CCDC148: variants seen among roughly 807,000 people sequenced by gnomAD.
CCDC148 encodes coiled-coil domain containing 148, also known as coiled-coil domain-containing protein 148.
CCDC148 carries 89 observed loss-of-function variants against 85.7 expected under a neutral mutation model. The ratio of observed to expected loss-of-function variants is 1.04; its 90% CI spans 0.87 to 1.24. The LOEUF (loss-of-function observed/expected upper bound fraction) is 1.24, where lower values mean the gene tolerates loss of function less well. Ranked by LOEUF, CCDC148 falls within the 50% of genes most tolerant of loss-of-function variation. The pLI is 0.00. For synonymous variants in CCDC148, 230 were observed against 213.9 expected (o/e 1.08, Z -0.66); for missense variants, 692 against 671.7 (o/e 1.03, Z -0.33).
At chr2:158,349,825 T>C (rs1683172438) in intron 2 of CCDC148, among the ~76,000 whole-genome samples, 1 of 152,126 alleles carries the variant, frequency 6.6e-6, no homozygotes, top group Non-Finnish European at 1.5e-5. Flanking sequence ...ACACATTTTG[T>C]TCTCACTAAC....
chr2:158,311,361 C>G (rs1692003995), intron 8 of CCDC148, among the ~76,000 whole-genome samples: 2 of 152,252 alleles, frequency 1.3e-5, no homozygotes, highest in South Asian at 4.1e-4. Flanking sequence ...ATCCCATGCA[C>G]TCGGCAGGCT....
intron 1 of CCDC148, among the ~76,000 whole-genome samples, chr2:158,363,280 C>T (rs1334121082): frequency 5.3e-5 from 8 of 151,824 alleles, no homozygotes; most frequent in East Asian, 1.9e-4. Flanking sequence ...TTCCAAACAA[C>T]AGAAAAAGAG....
chr2:158,299,715 C>G (rs1574576835), intron 9 of CCDC148, among the ~76,000 whole-genome samples: 1 of 152,182 alleles, frequency 6.6e-6, no homozygotes, highest in African/African-American at 2.4e-5. Flanking sequence ...ACTCAGAAAA[C>G]TCTATTTGAA....
At chr2:158,422,916 C>T (rs1020421466) in intron 1 of CCDC148, among the ~76,000 whole-genome samples, 4 of 151,918 alleles carry the variant, frequency 2.6e-5, no homozygotes, top group Admixed American at 2.6e-4. Flanking sequence ...GTGCAAAAAT[C>T]ACAAGCGGTC....
intron 10 of CCDC148, among the ~76,000 whole-genome samples, chr2:158,238,005 C>T (rs141484210): frequency 7.8e-4 from 119 of 152,086 alleles, no homozygotes; most frequent in African/African-American, 2.7e-3. Flanking sequence ...CATTGAAATA[C>T]GGAGGTAAGC....
intron 1 of CCDC148, among the ~76,000 whole-genome samples, chr2:158,441,333 G>GA (rs1687922473): frequency 1.3e-5 from 2 of 151,994 alleles, no homozygotes; most frequent in Non-Finnish European, 1.5e-5. Context: ...AACCCTAAAT[G>GA]AAAAATATGC....
chr2:158,176,161 T>G lies in CCDC148; in HGVS notation c.1629+360A>C, dbSNP rs1684572518. 8.6e-5 allele frequency among the ~76,000 whole-genome samples: 13 copies of G among 151,980 alleles called. No individual in the cohort carries two copies. In the South Asian group the frequency reaches 2.7e-3, roughly 31 times the overall value. ...TTGTTTATTAATATAATTTATATTATGAATTTAAATATAATTCTTAATGTA... is the reference window on the plus strand; with the variant it reads ...TTGTTTATTAATATAATTTATATTAGGAATTTAAATATAATTCTTAATGTA... On this transcript the variant is annotated intron_variant, in intron 13 of 13. Transcript: ENST00000283233.
chr2:158,317,122 T>C (rs1692316716), intron 7 of CCDC148, among the ~76,000 whole-genome samples: 1 of 152,164 alleles, frequency 6.6e-6, no homozygotes, highest in Non-Finnish European at 1.5e-5. Flanking sequence ...CTTATCTACT[T>C]TCTGAATTTG....
chr2:158,416,800 G>A (rs563873313), intron 1 of CCDC148, among the ~76,000 whole-genome samples: 2 of 152,166 alleles, frequency 1.3e-5, no homozygotes, highest in African/African-American at 4.8e-5. Flanking sequence ...TTATAGCAAT[G>A]CCCCACTTCT....
At chr2:158,291,948 C>T (rs1559048359) in intron 9 of CCDC148, among the ~76,000 whole-genome samples, 1 of 152,112 alleles carries the variant, frequency 6.6e-6, no homozygotes, top group Non-Finnish European at 1.5e-5. Context: ...TTATAAATTC[C>T]ATCTCTTGTG....
At chr2:158,347,627 C>T (rs969231153) in intron 2 of CCDC148, among the ~76,000 whole-genome samples, 2 of 151,920 alleles carry the variant, frequency 1.3e-5, no homozygotes, top group Admixed American at 6.6e-5. Flanking sequence ...GGAAACATGC[C>T]AAAACAATGA....
In CCDC148 at chr2:158,359,163, A is replaced by G. The variant is rs187970499; in HGVS notation, c.26-593T>C. On this transcript the variant is annotated intron_variant, in intron 1 of 13. Coordinates refer to ENST00000283233, the MANE Select transcript of CCDC148 (RefSeq NM_138803.4). ...GGTATGATATGAAAACCATAACATA[A>G]AGTAAAACATAAGTGAGGGTTACTC... Among the ~76,000 whole-genome samples the G allele has an allele frequency of 9.8e-4, 150 of 152,314 alleles. 1 individual carries two copies. Among genetic ancestry groups the G allele is most frequent in the Non-Finnish European group, 4.9e-4 (33 of 68,020 alleles).
At chr2:158,198,565 C>T (rs1248868964) in intron 11 of CCDC148, among the ~76,000 whole-genome samples, 4 of 152,156 alleles carry the variant, frequency 2.6e-5, no homozygotes, top group African/African-American at 7.2e-5. Context: ...TTTACACACA[C>T]GTCATTTCAT....
intron 7 of CCDC148, among the ~76,000 whole-genome samples, chr2:158,337,574 T>C (rs1203926272): frequency 6.6e-6 from 1 of 152,154 alleles, no homozygotes; most frequent in Non-Finnish European, 1.5e-5. Context: ...TTATTATTTC[T>C]CAGCTTTACT....
intron 11 of CCDC148, among the ~76,000 whole-genome samples, chr2:158,201,415 T>TG (rs1685946424): frequency 7.7e-6 from 1 of 129,750 alleles, no homozygotes; most frequent in Admixed American, 9.0e-5. Context: ...TATTTGTTAC[T>TG]ATTTTTTTTT....
chr2:158,316,138 G>T (rs1559065766), intron 7 of CCDC148, among the ~76,000 whole-genome samples: 1 of 152,178 alleles, frequency 6.6e-6, no homozygotes, highest in Non-Finnish European at 1.5e-5. Context: ...TTGGTAAATG[G>T]AGAAGTACTC....
At chr2:158,327,134 T>C (rs1022143469) in intron 7 of CCDC148, among the ~76,000 whole-genome samples, 6 of 152,146 alleles carry the variant, frequency 3.9e-5, no homozygotes, top group Admixed American at 2.6e-4. Flanking sequence ...AGTGTATACA[T>C]ATTCAAGTAC....
rs554962569 is a variant in CCDC148 at position 158,273,966 on chromosome 2, C to T, written c.1111-23054G>A. Among the ~76,000 whole-genome samples the T allele has an allele frequency of 1.4e-4, 22 of 152,284 alleles. No individual in the cohort carries two copies. In the South Asian group the frequency reaches 3.3e-3, roughly 23 times the overall value. ...AGTGTTTTCTTTGCAACTCCCTGGC[C>T]CTTCCTCTGGGCTCAGAGCCAAGGG... On this transcript the variant is annotated intron_variant, in intron 9 of 13. Transcript: ENST00000283233.
intron 7 of CCDC148, among the ~76,000 whole-genome samples, chr2:158,325,076 C>T (rs1460871819): frequency 4.5e-5 from 6 of 132,858 alleles, no homozygotes; most frequent in South Asian, 2.6e-4. Flanking sequence ...CACACTGCTA[C>T]GTCTCCTATT....
Sources: allele counts gnomAD v4.1 joint callset (sites outside exome capture counted in the v4.1 genomes callset), GRCh38; gene constraint gnomAD v4.1.1; transcripts MANE v1.5; gene names NCBI Gene and HGNC (gene_info 2026-07-23, HGNC 2026-07-21).